The following DIS3L2 variants were observed in gnomAD, a reference collection of about 807,000 sequenced individuals.
DIS3L2 encodes DIS3-like exonuclease 2.
In DIS3L2, 34 loss-of-function variants were observed where a neutral mutation model predicts 97.5. The ratio of observed to expected loss-of-function variants is 0.35; its 90% CI spans 0.27 to 0.46. The LOEUF is 0.46. Among genes scored for constraint, DIS3L2 ranks in the 20% least tolerant of loss-of-function variants. The pLI is 1.00. For missense variants in DIS3L2, 1,038 were observed against 1,146.0 expected (o/e 0.91, Z 1.36); for synonymous variants, 435 against 445.2 (o/e 0.98, Z 0.29).
chr2:232,291,352 A>AT (rs1189639880), intron 13 of DIS3L2, among the ~76,000 whole-genome samples: 13 of 152,278 alleles, frequency 8.5e-5, no homozygotes, highest in Non-Finnish European at 1.5e-5. Context: ...TTAAAAACCA[A>AT]GGCTGCAGGT....
chr2:232,220,170 A>G (rs1223095619), intron 10 of DIS3L2, among the ~76,000 whole-genome samples: 1 of 151,788 alleles, frequency 6.6e-6, no homozygotes, highest in Non-Finnish European at 1.5e-5. Flanking sequence ...TAAGCTGGGC[A>G]TAGTGATGTG....
intron 11 of DIS3L2, among the ~76,000 whole-genome samples, chr2:232,240,616 C>T (rs1693054267): frequency 6.6e-6 from 1 of 152,186 alleles, no homozygotes. Flanking sequence ...CCCTCCCTGA[C>T]CTCTGTGGCT....
intron 13 of DIS3L2, among the ~76,000 whole-genome samples, chr2:232,286,338 G>A (rs1341340033): frequency 6.6e-6 from 1 of 152,184 alleles, no homozygotes; most frequent in Non-Finnish European, 1.5e-5. Context: ...TAGTGGTAGT[G>A]GGGCTGCTGA....
At position 232,155,716 on chromosome 2, in the gene DIS3L2, C is replaced by T. The variant is rs1228961640; in HGVS notation, c.951-7743C>T. ...GAATAGAAAATGTTTTCTGGCCAGG[C>T]GTGGTGGCTCACGCCTGTAATCCCA... On this transcript the variant is annotated intron_variant, in intron 8 of 20. Transcript: ENST00000325385. 3.3e-5 allele frequency among the ~76,000 whole-genome samples: 5 copies of T among 152,114 alleles called. No homozygotes were observed. The East Asian group carries it at 7.7e-4, about 23-fold the overall frequency.
intron 1 of DIS3L2, among the ~76,000 whole-genome samples, chr2:231,980,095 T>C (rs141057366): frequency 5.3e-5 from 8 of 152,356 alleles, no homozygotes; most frequent in Middle Eastern, 3.4e-3. Flanking sequence ...AGGATGTTTT[T>C]CAATTTGATA....
At chr2:232,008,165 A>G (rs974307035) in intron 1 of DIS3L2, among the ~76,000 whole-genome samples, 1 of 149,434 alleles carries the variant, frequency 6.7e-6, no homozygotes, top group East Asian at 2.0e-4. Context: ...GGTGTATGCC[A>G]CCATGTCCAT....
At chr2:232,339,737 A>G (rs774572959), downstream of DIS3L2, 2 of 455,918 alleles carry the variant, frequency 4.4e-6, 1 homozygote, top group South Asian at 3.1e-5. Flanking sequence ...TGGACGAGAG[A>G]GCCGGGCCTG....
intron 10 of DIS3L2, among the ~76,000 whole-genome samples, chr2:232,221,377 G>T (rs1487518581): frequency 6.6e-6 from 1 of 152,174 alleles, no homozygotes; most frequent in Non-Finnish European, 1.5e-5. Context: ...GCTTCCCATG[G>T]TACAGTCTTC....
chr2:232,336,322 G>A, intron 20 of DIS3L2, 147 bp from the exon 21 acceptor site: 2 of 1,547,648 alleles, frequency 1.3e-6, no homozygotes, highest in South Asian at 1.2e-5. Context: ...CATTCTTCCT[G>A]GAGGGGGCCC....
chr2:232,201,055 G>A (rs747401051), intron 9 of DIS3L2, among the ~76,000 whole-genome samples: 1 of 152,310 alleles, frequency 6.6e-6, no homozygotes, highest in Non-Finnish European at 1.5e-5. Context: ...GATTACAGGC[G>A]TGAGCCACCG....
intron 5 of DIS3L2, among the ~76,000 whole-genome samples, chr2:232,031,305 G>A (rs1214460455): frequency 2.6e-5 from 4 of 152,152 alleles, no homozygotes; most frequent in African/African-American, 2.4e-5. Context: ...TACAGCTAAA[G>A]TAATTGAGTT....
chr2:232,194,352 C>T (rs747981532), intron 9 of DIS3L2, among the ~76,000 whole-genome samples: 64 of 152,028 alleles, frequency 4.2e-4, no homozygotes, highest in Non-Finnish European at 7.5e-4. Context: ...CAGTCCTTTC[C>T]TTTAAAAAGA....
Position 232,335,698 on chromosome 2 carries a change from T to G in DIS3L2, c.2395-75T>G, listed in dbSNP as rs963622001. 17 of 1,495,738 alleles carry G rather than the reference T, an allele frequency of 1.1e-5. No individual in the cohort carries two copies. The African/African-American group carries it at 2.4e-4, about 21-fold the overall frequency. 92.7% of individuals were successfully genotyped at this position (1,495,738 alleles called of 1,614,324 possible). The stretch of plus-strand genomic sequence containing the variant: ...GAGGGCTGAGGGCCGCCTCCAAGCA[T>G]TGAAGCCCTCCAGGGTGGAAGGGCA... On this transcript the variant is annotated intron_variant, in intron 19 of 20. Transcript: ENST00000325385.
At chr2:232,120,904 G>A (rs1196169190) in intron 6 of DIS3L2, among the ~76,000 whole-genome samples, 2 of 151,928 alleles carry the variant, frequency 1.3e-5, no homozygotes, top group African/African-American at 2.4e-5. Flanking sequence ...CCTGTCCAGG[G>A]ACCCCTCCCT....
At chr2:232,290,329 C>T (rs749993402) in intron 13 of DIS3L2, among the ~76,000 whole-genome samples, 11 of 152,204 alleles carry the variant, frequency 7.2e-5, no homozygotes, top group South Asian at 2.1e-4. Context: ...AGGTCCTGAT[C>T]GGGAAGCTGC....
chr2:232,335,902 C>T (rs747575623), intron 20 of DIS3L2, 28 bp downstream of exon 20: 2 of 1,549,786 alleles, frequency 1.3e-6, no homozygotes, highest in South Asian at 2.4e-5. Context: ...TCCCAGCCCC[C>T]TAAGTCCTGA....
chr2:232,270,874 C>CTCTT (rs1322839202), intron 13 of DIS3L2, among the ~76,000 whole-genome samples: 1 of 108,286 alleles, frequency 9.2e-6, no homozygotes, highest in South Asian at 3.0e-4. Context: ...CTCTCTCTCT[C>CTCTT]TCTCTCTCTC....
intron 10 of DIS3L2, among the ~76,000 whole-genome samples, chr2:232,230,003 A>AT (rs201680326): frequency 5.9e-5 from 9 of 151,360 alleles, no homozygotes; most frequent in Non-Finnish European, 1.0e-4. Flanking sequence ...CTTACCCCAG[A>AT]TTTTTTTTTC....
intron 9 of DIS3L2, among the ~76,000 whole-genome samples, chr2:232,186,402 A>G (rs543100796): frequency 4.9e-4 from 75 of 152,356 alleles, no homozygotes; most frequent in African/African-American, 1.5e-3. Flanking sequence ...AAAATATTGA[A>G]TTCATAATTT....
Sources: gnomAD v4.1 joint callset for allele counts (sites outside exome capture counted in the v4.1 genomes callset) on GRCh38, gnomAD v4.1.1 for gene constraint, MANE v1.5 for transcripts, NCBI Gene and HGNC (gene_info 2026-07-23, HGNC 2026-07-21) for gene names.